The following ABCC6 variants were observed in gnomAD, a reference collection of about 807,000 sequenced individuals.
ABCC6 encodes ATP binding cassette subfamily C member 6, also known as ATP-binding cassette sub-family C member 6.
A neutral mutation model predicts 169.5 loss-of-function variants in ABCC6; 126 were observed. That is an observed-to-expected ratio of 0.74 (90% CI 0.64 to 0.86). The LOEUF (loss-of-function observed/expected upper bound fraction) is 0.86, where lower values mean the gene tolerates loss of function less well. Among genes scored for constraint, ABCC6 ranks in the 40% least tolerant of loss-of-function variants. The pLI is 0.00. For missense variants in ABCC6, 1,733 were observed against 1,927.2 expected, an observed-to-expected ratio of 0.90 and a Z score of 1.89; for synonymous variants, 752 against 814.7, an observed-to-expected ratio of 0.92 and a Z score of 1.31.
chr16:16,194,777 G>C (rs767843081), intron 10 of ABCC6, among the ~76,000 whole-genome samples: 17 of 152,006 alleles, frequency 1.1e-4, no homozygotes, highest in African/African-American at 1.9e-4. Flanking sequence ...TGCAACCTCT[G>C]CTTCCCAAGC....
In ABCC6 at chr16:16,192,939, C is replaced by T; in HGVS notation, c.1339-17G>A. 6.2e-7 allele frequency: 1 copy of T among 1,607,808 alleles called. No individual in the cohort carries two copies. The highest frequency in any genetic ancestry group is 8.5e-7 in the Non-Finnish European group (1 of 1,174,718). ...CCCCAGGAGCTGGGGATAGAAGGGG[C>T]AGGATGTCAGGAGATCCCGAGGAGC... On this transcript the variant is annotated splice_polypyrimidine_tract_variant and intron_variant, in intron 10 of 30. Coordinates refer to ENST00000205557, the MANE Select transcript of ABCC6 (RefSeq NM_001171.6).
intron 7 of ABCC6, among the ~76,000 whole-genome samples, chr16:16,207,220 C>T (rs2048420195): frequency 6.6e-6 from 1 of 152,202 alleles, no homozygotes; most frequent in Non-Finnish European, 1.5e-5. Context: ...TGGGAACAGC[C>T]CCTACCCACT....
chr16:16,211,143 T>G (rs1396158021), intron 6 of ABCC6, among the ~76,000 whole-genome samples: 1 of 150,514 alleles, frequency 6.6e-6, no homozygotes, highest in East Asian at 1.9e-4. Flanking sequence ...GGGTCACACC[T>G]GTAATCCCAG....
rs749040729 is a variant in ABCC6, at chr16:16,181,344, GAAAAAAAAA to G, written c.2247+1059_2247+1067del. Among the ~76,000 whole-genome samples the G allele has an allele frequency of 1.3e-3, 103 of 78,422 alleles. 1 individual carries two copies. The East Asian group carries it at 0.035, about 26-fold the overall frequency. The allele number at this position is 78,422 out of a possible 152,430, so 51.4% of individuals were successfully genotyped here. A position where few individuals can be genotyped will look rare whatever the true frequency, so the allele number is the denominator to read the frequency against. Reference sequence around the variant, plus strand: ...GGCAACAGAGCGAGACTCCGTCTCAGAAAAAAAAAAAAAAAAAAAAAAAAGAGAAAAAGC... The same window carrying G: ...GGCAACAGAGCGAGACTCCGTCTCAGAAAAAAAAAAAAAAAGAGAAAAAGC... On this transcript the variant is annotated intron_variant, in intron 17 of 30. Transcript: ENST00000205557.
At chr16:16,177,211 G>A (rs1342352559) in intron 19 of ABCC6, among the ~76,000 whole-genome samples, 1 of 152,218 alleles carries the variant, frequency 6.6e-6, no homozygotes, top group Non-Finnish European at 1.5e-5. Context: ...GCATGTGTGA[G>A]AATCAAATGA....
At chr16:16,201,076 C>G (rs1375217326) in intron 9 of ABCC6, among the ~76,000 whole-genome samples, 3 of 152,178 alleles carry the variant, frequency 2.0e-5, no homozygotes, top group South Asian at 2.1e-4. Context: ...AAGCGATTCT[C>G]CTGTGTCAGC....
intron 15 of ABCC6, among the ~76,000 whole-genome samples, chr16:16,183,593 G>C (rs76850821): frequency 6.6e-6 from 1 of 152,154 alleles, no homozygotes; most frequent in Non-Finnish European, 1.5e-5. Context: ...TCAGCTGCTC[G>C]GCCCTGGCCT....
intron 10 of ABCC6, among the ~76,000 whole-genome samples, chr16:16,193,173 C>T (rs2047922555): frequency 6.6e-6 from 1 of 152,144 alleles, no homozygotes; most frequent in Non-Finnish European, 1.5e-5. Context: ...CCCACCAAAA[C>T]CAAGATGGCT....
Position 16,177,499 on chromosome 16 carries a change from A to C in ABCC6, c.2543T>G (p.Met848Arg), listed in dbSNP as rs1596645578. 1 of 1,614,154 alleles carries C rather than the reference A, an allele frequency of 6.2e-7. No individual in the cohort carries two copies. Among genetic ancestry groups the C allele is most frequent in the Non-Finnish European group, 8.5e-7 (1 of 1,180,020 alleles). Residue 848 changes from methionine to arginine, a missense_variant, in exon 19 of 31, where the codon ATG becomes AGG. Met to Arg is a moderately conservative substitution (Grantham distance 91). Coordinates refer to ENST00000205557, the MANE Select transcript of ABCC6 (RefSeq NM_001171.6). ...CTGTCTGGCTTGATCCAGAAGACAC[A>C]TGAGGGCCCCCTTCCTCTGCAGAAG... ...QELLQRKGAL[M>R]CLLDQARQPG...
rs150434556 is a variant in ABCC6 at position 16,165,404 on chromosome 16, TTCTG to T, written c.3306+215_3306+218del. Among the ~76,000 whole-genome samples, 8 of 152,210 alleles carry T rather than the reference TTCTG, an allele frequency of 5.3e-5. No homozygotes were observed. In the East Asian group the frequency reaches 1.5e-3, roughly 29 times the overall value. ...CTTCAGCCTTGGCAGGAGAGCAAGA[TTCTG>T]TCTCTCTAAAAAAAAGAACTTTGAT... On this transcript the variant is annotated intron_variant, in intron 23 of 30. Coordinates refer to ENST00000205557, the MANE Select transcript of ABCC6 (RefSeq NM_001171.6).
At position 16,178,920 on chromosome 16, in the gene ABCC6, G is replaced by A. The variant is rs776513864; in HGVS notation, c.2293C>T (p.Arg765Trp). The A allele has an allele frequency of 8.1e-6, 13 of 1,613,534 alleles. No homozygotes were observed. Among genetic ancestry groups the A allele is most frequent in the South Asian group, 2.2e-5 (2 of 91,064 alleles). ...GGQKQRLSLA[R>W]AVYRKAAVYL... Reference sequence around the variant, plus strand: ...ACAGCTGCCTTTCTGTATACAGCCCGGGCCAGGCTCAGCCGCTGCTTCTGG... The same window carrying A: ...ACAGCTGCCTTTCTGTATACAGCCCAGGCCAGGCTCAGCCGCTGCTTCTGG... The change falls in exon 18 of 31, where the codon CGG becomes TGG. Residue 765 changes from arginine (R) to tryptophan (W), a missense_variant. Coordinates refer to ENST00000205557, the MANE Select transcript of ABCC6 (RefSeq NM_001171.6).
intron 9 of ABCC6, among the ~76,000 whole-genome samples, chr16:16,201,210 G>T (rs192689291): frequency 4.6e-5 from 7 of 152,062 alleles, no homozygotes; most frequent in South Asian, 4.1e-4. Flanking sequence ...CAAGTGATCC[G>T]CCTGTCTCAG....
chr16:16,177,579 A>G lies in ABCC6; in HGVS notation c.2463T>C (p.Asp821=), dbSNP rs958671342. The G allele has an allele frequency of 3.1e-6, 5 of 1,614,108 alleles. No homozygotes were observed. The highest frequency in any genetic ancestry group is 1.3e-5 in the African/African-American group (1 of 74,928). ...THALHILPQA[D]WIIVLANGAI... Reference sequence around the variant, plus strand: ...CCCCATTTGCCAGCACTATGATCCAATCAGCCTGGGGCAGGATGTGGAGTG... The same window carrying G: ...CCCCATTTGCCAGCACTATGATCCAGTCAGCCTGGGGCAGGATGTGGAGTG... The change falls in exon 19 of 31, where the codon GAT becomes GAC. Residue 821 remains aspartate (D), a synonymous_variant. Coordinates refer to ENST00000205557, the MANE Select transcript of ABCC6 (RefSeq NM_001171.6).
chr16:16,163,322 G>T lies in ABCC6; in HGVS notation c.3307-130C>A, dbSNP rs939664806. On this transcript the variant is annotated intron_variant, in intron 23 of 30. Coordinates refer to ENST00000205557, the MANE Select transcript of ABCC6 (RefSeq NM_001171.6). The stretch of plus-strand genomic sequence containing the variant: ...GTTAACAGCTTACTGTGTGACCTTG[G>T]GCTAGTTGCTTGCCCTCTCTGGGTT... 4 of 856,944 alleles carry T rather than the reference G, an allele frequency of 4.7e-6. No individual in the cohort carries two copies. In the African/African-American group the frequency reaches 5.1e-5, roughly 11 times the overall value. 53.1% of individuals were successfully genotyped at this position (856,944 alleles called of 1,614,324 possible). A position where few individuals can be genotyped will look rare whatever the true frequency, so the allele number is the denominator to read the frequency against.
chr16:16,187,185 G>T lies in ABCC6; in HGVS notation c.1806C>A (p.Val602=). The change falls in exon 14 of 31, where the codon GTC becomes GTA. Residue 602 remains valine (V), a synonymous_variant. Coordinates refer to ENST00000205557, the MANE Select transcript of ABCC6 (RefSeq NM_001171.6). The stretch of plus-strand genomic sequence containing the variant: ...CAACTTCTTCCAGGCAGAGGAAGGT[G>T]ACCAGACGGTCAAAGGACACCCGGG... ...VQARVSFDRL[V]TFLCLEEVDP... 1 of 1,613,688 alleles carries T rather than the reference G, an allele frequency of 6.2e-7. No homozygotes were observed. Among genetic ancestry groups the T allele is most frequent in the South Asian group, 1.1e-5 (1 of 91,010 alleles).
chr16:16,184,850 CA>C, intron 15 of ABCC6, 108 bp downstream of exon 15: 1 of 1,232,942 alleles, frequency 8.1e-7, no homozygotes, highest in Non-Finnish European at 1.2e-6. Context: ...ACCCACCCTC[CA>C]GTCCCAGGCT....
At chr16:16,155,514 T>C in intron 27 of ABCC6, 1 of 173,392 alleles carries the variant, frequency 5.8e-6, no homozygotes. Context: ...CTCTCGTTTC[T>C]TCTTCCCTAT....
chr16:16,171,855 GAGTT>G (rs1347073440), intron 21 of ABCC6, among the ~76,000 whole-genome samples: 3 of 144,460 alleles, frequency 2.1e-5, no homozygotes, highest in Admixed American at 7.0e-5. Flanking sequence ...ATGGATAAAT[GAGTT>G]GGTGGGAGGG....
At chr16:16,200,377 C>T (rs190702692) in intron 9 of ABCC6, among the ~76,000 whole-genome samples, 4 of 143,302 alleles carry the variant, frequency 2.8e-5, no homozygotes, top group Admixed American at 1.5e-4. Context: ...TGTAGTGAGC[C>T]GGGACTGTGC....
Sources: allele counts gnomAD v4.1 joint callset (sites outside exome capture counted in the v4.1 genomes callset), GRCh38; gene constraint gnomAD v4.1.1; transcripts MANE v1.5; gene names NCBI Gene and HGNC (gene_info 2026-07-23, HGNC 2026-07-21).